Variants in DNAAF11 observed in about 807,000 individuals in gnomAD.
DNAAF11 encodes leucine rich repeat containing 6.
DNAAF11 carries 45 observed loss-of-function variants against 60.8 expected under a neutral mutation model. The observed-to-expected ratio is 0.74, with a 90% CI of 0.58 to 0.95. The LOEUF is 0.95. Ranked by LOEUF, DNAAF11 falls within the 40% of genes least tolerant of loss-of-function variation. DNAAF11 has a pLI of 0.00. For synonymous variants in DNAAF11, 191 were observed against 183.5 expected (o/e 1.04, Z -0.33); for missense variants, 546 against 546.2 (o/e 1.00, Z 0.00).
chr8:132,646,624 A>G (rs1284623737), intron 3 of DNAAF11, among the ~76,000 whole-genome samples: 2 of 152,234 alleles, frequency 1.3e-5, no homozygotes, highest in African/African-American at 4.8e-5. Flanking sequence ...TTGGCTCAAA[A>G]TAAAGGGATG....
chr8:132,641,929 T>C (rs936239484), intron 3 of DNAAF11, among the ~76,000 whole-genome samples: 3 of 151,752 alleles, frequency 2.0e-5, no homozygotes, highest in African/African-American at 7.3e-5. Context: ...ATAATGAAAA[T>C]GGAAAAAGTA....
intron 3 of DNAAF11, among the ~76,000 whole-genome samples, chr8:132,656,432 A>C (rs1823576380): frequency 1.3e-5 from 2 of 152,200 alleles, no homozygotes; most frequent in African/African-American, 2.4e-5. Context: ...TGTTAATTTT[A>C]AAAGCGTACC....
chr8:132,697,126 A>G, the DNAAF11 span, among the ~76,000 whole-genome samples: 1 of 152,216 alleles, frequency 6.6e-6, no homozygotes, highest in Non-Finnish European at 1.5e-5. Flanking sequence ...AGGCAATTTT[A>G]TAGACTGTTA....
intron 10 of DNAAF11, among the ~76,000 whole-genome samples, chr8:132,595,994 A>T (rs553434724): frequency 1.1e-4 from 16 of 152,180 alleles, no homozygotes; most frequent in African/African-American, 3.9e-4. Context: ...ATGCCTCCTA[A>T]TCATTGACTT....
At chr8:132,604,452 C>T (rs1194628111) in intron 10 of DNAAF11, among the ~76,000 whole-genome samples, 3 of 152,112 alleles carry the variant, frequency 2.0e-5, no homozygotes, top group Non-Finnish European at 4.4e-5. Context: ...CTTCCTTAAT[C>T]TCAGTTAATT....
intron 4 of DNAAF11, among the ~76,000 whole-genome samples, chr8:132,634,862 C>T (rs1048921345): frequency 6.6e-6 from 1 of 151,036 alleles, no homozygotes; most frequent in Non-Finnish European, 1.5e-5. Flanking sequence ...TAGATAATTT[C>T]TTTCAACTAG....
At chr8:132,593,332 C>CATACATATATATATATATATAT (rs577618316) in intron 10 of DNAAF11, among the ~76,000 whole-genome samples, 28 of 108,692 alleles carry the variant, frequency 2.6e-4, no homozygotes, top group Non-Finnish European at 3.9e-4. Flanking sequence ...TATATACATA[C>CATACATATATATATATATATAT]ATATATATAT....
intron 3 of DNAAF11, among the ~76,000 whole-genome samples, chr8:132,651,696 T>C (rs1823031889): frequency 6.6e-6 from 1 of 152,192 alleles, no homozygotes; most frequent in Non-Finnish European, 1.5e-5. Flanking sequence ...GTAAGAATAC[T>C]TACTTCACAA....
chr8:132,607,755 G>A (rs1219430259), intron 10 of DNAAF11, among the ~76,000 whole-genome samples: 2 of 152,050 alleles, frequency 1.3e-5, no homozygotes, highest in African/African-American at 4.8e-5. Context: ...GTTCATTCAT[G>A]TTGTGGCAAA....
chr8:132,656,002 C>T (rs1823527676), intron 3 of DNAAF11, among the ~76,000 whole-genome samples: 1 of 152,164 alleles, frequency 6.6e-6, no homozygotes, highest in Admixed American at 6.5e-5. Flanking sequence ...TTCTAAGTGT[C>T]TGTCCTAGAA....
intron 1 of DNAAF11, among the ~76,000 whole-genome samples, chr8:132,669,849 G>C (rs879632660): frequency 1.3e-5 from 2 of 151,016 alleles, no homozygotes; most frequent in Admixed American, 6.6e-5. Context: ...GCTGAGGCAG[G>C]AGAATGGCGT....
intron 3 of DNAAF11, among the ~76,000 whole-genome samples, chr8:132,646,983 A>C (rs1166440750): frequency 6.6e-6 from 1 of 152,186 alleles, no homozygotes; most frequent in African/African-American, 2.4e-5. Flanking sequence ...TCAGCTCTGC[A>C]CCAAGTGGAC....
chr8:132,675,621 G>T, upstream of DNAAF11: 1 of 996,000 alleles, frequency 1.0e-6, no homozygotes, highest in Non-Finnish European at 1.4e-6. Flanking sequence ...GGACTCTACG[G>T]CGGCCGCGCG....
chr8:132,581,886 T>G, intron 11 of DNAAF11, among the ~76,000 whole-genome samples: 1 of 152,316 alleles, frequency 6.6e-6, no homozygotes, highest in East Asian at 1.9e-4. Flanking sequence ...TCCCTTCGTT[T>G]GGAGGAATTT....
At chr8:132,617,884 C>T (rs1471911703) in intron 7 of DNAAF11, among the ~76,000 whole-genome samples, 15 of 149,688 alleles carry the variant, frequency 1.0e-4, no homozygotes, top group South Asian at 6.6e-4. Context: ...AGGTAATTTA[C>T]AGATTCAATG....
At chr8:132,645,965 C>T (rs538345424) in intron 3 of DNAAF11, among the ~76,000 whole-genome samples, 1 of 152,248 alleles carries the variant, frequency 6.6e-6, no homozygotes, top group East Asian at 1.9e-4. Flanking sequence ...GGACAACATT[C>T]AAATCCAGGA....
At chr8:132,593,730 A>G (rs964304840) in intron 10 of DNAAF11, among the ~76,000 whole-genome samples, 1 of 152,126 alleles carries the variant, frequency 6.6e-6, no homozygotes, top group Non-Finnish European at 1.5e-5. Context: ...GGAAAAAAAC[A>G]CAGGCCTAAA....
intron 10 of DNAAF11, among the ~76,000 whole-genome samples, chr8:132,591,244 T>C (rs776397852): frequency 3.3e-5 from 5 of 152,060 alleles, no homozygotes; most frequent in Non-Finnish European, 5.9e-5. Context: ...AGCATTAAAC[T>C]AAAAAACTTT....
At chr8:132,620,475 C>T (rs965928473) in intron 7 of DNAAF11, among the ~76,000 whole-genome samples, 1 of 152,098 alleles carries the variant, frequency 6.6e-6, no homozygotes, top group Non-Finnish European at 1.5e-5. Flanking sequence ...GCTGGGATTA[C>T]AGGTGTGTGC....
Sources: allele counts gnomAD v4.1 joint callset (sites outside exome capture counted in the v4.1 genomes callset), GRCh38; gene constraint gnomAD v4.1.1; transcripts MANE v1.5; gene names NCBI Gene and HGNC (gene_info 2026-07-23, HGNC 2026-07-21).